The following FAF1 variants were observed in gnomAD, a reference collection of about 807,000 sequenced individuals.
The protein encoded by FAF1 is Fas associated factor 1, also known as FAS-associated factor 1.
Under a neutral mutation model 92.5 loss-of-function variants are expected in FAF1, and 25 were observed. The observed-to-expected ratio is 0.27, with a 90% CI of 0.20 to 0.38. The LOEUF (loss-of-function observed/expected upper bound fraction) is 0.38. Among genes scored for constraint, FAF1 ranks in the 10% least tolerant of loss-of-function variants. The probability of loss-of-function intolerance (pLI) is 1.00; values close to 1 mark genes in which losing one functional copy is unlikely to be tolerated. For synonymous variants in FAF1, 234 were observed against 273.2 expected (o/e 0.86, Z 1.42); for missense variants, 636 against 793.3 (o/e 0.80, Z 2.38).
intron 15 of FAF1, among the ~76,000 whole-genome samples, chr1:50,517,048 A>C (rs1450129690): frequency 6.6e-6 from 1 of 152,242 alleles, no homozygotes; most frequent in Non-Finnish European, 1.5e-5. Context: ...TACAACTACA[A>C]AAATGGTATA....
chr1:50,956,516 T>C (rs896060038), intron 1 of FAF1, among the ~76,000 whole-genome samples: 8 of 152,214 alleles, frequency 5.3e-5, no homozygotes, highest in African/African-American at 1.9e-4. Context: ...CAAACTATTA[T>C]TGAGTCTCAC....
chr1:50,873,616 G>A (rs1362476977), intron 1 of FAF1, among the ~76,000 whole-genome samples: 2 of 152,154 alleles, frequency 1.3e-5, no homozygotes, highest in Non-Finnish European at 2.9e-5. Context: ...CCAACACCAT[G>A]ATACTTTACA....
rs1404392721 is a variant in FAF1 at position 50,762,231 on chromosome 1, G to A, written c.368-17456C>T. ...AAGAACATTCCATGCTCATGGGTAG[G>A]AAGAATCAATATTGTGAAAATGGCC... is the stretch of plus-strand genomic sequence containing the variant. On this transcript the variant is annotated intron_variant, in intron 4 of 18. Coordinates refer to ENST00000396153, the MANE Select transcript of FAF1 (RefSeq NM_007051.3). Among the ~76,000 whole-genome samples the A allele has an allele frequency of 3.3e-5, 5 of 152,124 alleles. No homozygotes were observed. In the East Asian group the frequency reaches 9.6e-4, roughly 29 times the overall value.
intron 1 of FAF1, among the ~76,000 whole-genome samples, chr1:50,918,846 C>T (rs1206540818): frequency 2.1e-5 from 3 of 145,984 alleles, no homozygotes; most frequent in Non-Finnish European, 4.5e-5. Flanking sequence ...ACATCCTCTC[C>T]AGCACCTGTT....
At chr1:50,494,438 C>G (rs776855213) in intron 15 of FAF1, among the ~76,000 whole-genome samples, 16 of 152,126 alleles carry the variant, frequency 1.1e-4, no homozygotes, top group Admixed American at 5.9e-4. Context: ...ATCAAAGTAA[C>G]TAGAAATTTT....
chr1:50,619,687 C>T (rs1203151102), intron 8 of FAF1, among the ~76,000 whole-genome samples: 1 of 152,078 alleles, frequency 6.6e-6, no homozygotes, highest in Admixed American at 6.6e-5. Context: ...TTTTCTTTTA[C>T]ATTGACCTTG....
chr1:50,849,042 A>G (rs1377034702), intron 2 of FAF1, among the ~76,000 whole-genome samples: 1 of 152,124 alleles, frequency 6.6e-6, no homozygotes, highest in Non-Finnish European at 1.5e-5. Flanking sequence ...GTGGATCACA[A>G]GGTCAGGAGT....
rs889436695 is a variant in FAF1 at position 50,466,796 on chromosome 1, T to G, written c.1869+8668A>C. Reference sequence around the variant, plus strand: ...CCCCCTTCAGCCTTTTCTCAGGACTTTATTAGACAAAGCCCCCTCATTTCA... The same window carrying G: ...CCCCCTTCAGCCTTTTCTCAGGACTGTATTAGACAAAGCCCCCTCATTTCA... On this transcript the variant is annotated intron_variant, in intron 18 of 18. Coordinates refer to ENST00000396153, the MANE Select transcript of FAF1 (RefSeq NM_007051.3). Among the ~76,000 whole-genome samples, 4 of 152,170 alleles carry G rather than the reference T, an allele frequency of 2.6e-5. No homozygotes were observed. The East Asian group carries it at 7.7e-4, about 29-fold the overall frequency.
At chr1:50,445,690 A>G (rs1169076869) in intron 18 of FAF1, among the ~76,000 whole-genome samples, 4 of 152,196 alleles carry the variant, frequency 2.6e-5, no homozygotes, top group Non-Finnish European at 5.9e-5. Context: ...TAAATCAACA[A>G]AGAAGCCCAC....
chr1:50,637,744 C>T (rs1301679037), intron 8 of FAF1, among the ~76,000 whole-genome samples: 1 of 149,536 alleles, frequency 6.7e-6, no homozygotes, highest in East Asian at 2.0e-4. Context: ...CATATATACA[C>T]ATATATATAT....
intron 4 of FAF1, among the ~76,000 whole-genome samples, chr1:50,783,726 T>C (rs1557525877): frequency 6.6e-6 from 1 of 151,936 alleles, no homozygotes; most frequent in Non-Finnish European, 1.5e-5. Context: ...ATACAAAAAT[T>C]AGCCAGGCAT....
chr1:50,739,293 CAT>C (rs1201511638), intron 5 of FAF1, among the ~76,000 whole-genome samples: 3 of 151,920 alleles, frequency 2.0e-5, no homozygotes, highest in African/African-American at 2.4e-5. Context: ...TACATATGTA[CAT>C]GTGTACACGT....
intron 15 of FAF1, among the ~76,000 whole-genome samples, chr1:50,499,205 G>A (rs1646948113): frequency 1.3e-5 from 2 of 152,136 alleles, no homozygotes; most frequent in African/African-American, 4.8e-5. Flanking sequence ...GCCAGAGTCT[G>A]AGGGGAAGGA....
intron 8 of FAF1, among the ~76,000 whole-genome samples, chr1:50,617,175 T>C (rs1178888193): frequency 6.6e-6 from 1 of 152,204 alleles, no homozygotes; most frequent in African/African-American, 2.4e-5. Context: ...TTCAGTACTA[T>C]GTTAAATAGG....
chr1:50,942,462 G>C (rs796654396), intron 1 of FAF1, among the ~76,000 whole-genome samples: 4 of 152,206 alleles, frequency 2.6e-5, no homozygotes, highest in African/African-American at 9.6e-5. Context: ...GGGAGGGGAG[G>C]GAAAGGGAGG....
chr1:50,840,730 C>T (rs1644249085), intron 2 of FAF1, among the ~76,000 whole-genome samples: 1 of 151,954 alleles, frequency 6.6e-6, no homozygotes, highest in South Asian at 2.1e-4. Context: ...CAATTGATAT[C>T]AAATTTGACT....
intron 5 of FAF1, among the ~76,000 whole-genome samples, chr1:50,743,837 C>T (rs1307929977): frequency 6.6e-6 from 1 of 151,902 alleles, no homozygotes; most frequent in Non-Finnish European, 1.5e-5. Context: ...CTTTGGAAGG[C>T]CGAGGCAGGT....
intron 15 of FAF1, among the ~76,000 whole-genome samples, chr1:50,511,324 C>T (rs890400362): frequency 3.3e-5 from 5 of 152,198 alleles, no homozygotes; most frequent in East Asian, 1.9e-4. Context: ...TATACACATG[C>T]CATTGTGGGT....
At chr1:50,609,135 C>A (rs961831902) in intron 8 of FAF1, among the ~76,000 whole-genome samples, 1 of 152,158 alleles carries the variant, frequency 6.6e-6, no homozygotes, top group Non-Finnish European at 1.5e-5. Context: ...AGAGATAGAG[C>A]CAATGGTGAA....
Sources: allele counts gnomAD v4.1 joint callset (sites outside exome capture counted in the v4.1 genomes callset), GRCh38; gene constraint gnomAD v4.1.1; transcripts MANE v1.5; gene names NCBI Gene and HGNC (gene_info 2026-07-23, HGNC 2026-07-21).